SLC18A1: variants seen among roughly 807,000 people sequenced by gnomAD.
SLC18A1 encodes chromaffin granule amine transporter.
A neutral mutation model predicts 53.7 loss-of-function variants in SLC18A1; 69 were observed. The observed-to-expected ratio is 1.28, with a 90% CI of 1.06 to 1.57. The LOEUF is 1.57. SLC18A1 is among the 40% of genes most tolerant of loss of function. The pLI, the probability that SLC18A1 is intolerant of heterozygous loss-of-function variation, is 0.00. For missense variants in SLC18A1, 932 were observed against 668.1 expected (o/e 1.40, Z -4.35); for synonymous variants, 320 against 248.1 (o/e 1.29, Z -2.72).
chr8:20,181,398 G>A (rs2072425706), intron 1 of SLC18A1, among the ~76,000 whole-genome samples: 1 of 151,958 alleles, frequency 6.6e-6, no homozygotes, highest in Non-Finnish European at 1.5e-5. Context: ...CATATCTAAG[G>A]ACTACCTGTA....
chr8:20,179,246 A>G lies in SLC18A1; in HGVS notation c.363T>C (p.His121=). 1 of 1,614,190 alleles carries G rather than the reference A, an allele frequency of 6.2e-7. No homozygotes were observed. Among genetic ancestry groups the G allele is most frequent in the Non-Finnish European group, 8.5e-7 (1 of 1,180,046 alleles). The stretch of plus-strand genomic sequence containing the variant: ...CTGTGCCTTGCAAGCAGTTGTTTTT[A>G]TGAGCTGAGATGGCTTCAGTGGCTG... ...PPPATEAISA[H]KNNCLQGTGF... is the part of the protein sequence containing the mutation. The change falls in exon 3 of 16, where the codon CAT becomes CAC. Residue 121 remains histidine, a synonymous_variant. Coordinates refer to ENST00000276373, the MANE Select transcript of SLC18A1 (RefSeq NM_003053.4).
rs1030117241 is a variant in SLC18A1 at position 20,154,639 on chromosome 8, C to G, written c.1016-3895G>C. Among the ~76,000 whole-genome samples the G allele has an allele frequency of 8.5e-5, 13 of 152,242 alleles. No homozygotes were observed. The East Asian group carries it at 2.3e-3, about 27-fold the overall frequency. ...AGGGCAAGAAGATGAAAGACATGTT[C>G]AGAGAAAAGGATGAGGGCATAGGAT... On this transcript the variant is annotated intron_variant, in intron 10 of 15. Coordinates refer to ENST00000276373, the MANE Select transcript of SLC18A1 (RefSeq NM_003053.4).
intron 10 of SLC18A1, among the ~76,000 whole-genome samples, chr8:20,157,869 G>C (rs998120670): frequency 2.6e-5 from 4 of 152,172 alleles, no homozygotes; most frequent in African/African-American, 9.6e-5. Flanking sequence ...GGAGGCTCTG[G>C]AATATGGAAA....
At chr8:20,163,837 G>A (rs555936787) in intron 10 of SLC18A1, among the ~76,000 whole-genome samples, 1 of 152,296 alleles carries the variant, frequency 6.6e-6, no homozygotes, top group East Asian at 1.9e-4. Context: ...TGGTAACTGA[G>A]TAATTGGTAA....
At chr8:20,150,094 C>T (rs1362702782) in intron 11 of SLC18A1, among the ~76,000 whole-genome samples, 3 of 152,194 alleles carry the variant, frequency 2.0e-5, no homozygotes, top group East Asian at 1.9e-4. Flanking sequence ...TTTATTTGGT[C>T]CTTGAGGTCT....
At chr8:20,163,129 G>A (rs933922959) in intron 10 of SLC18A1, among the ~76,000 whole-genome samples, 3 of 152,186 alleles carry the variant, frequency 2.0e-5, no homozygotes, top group Non-Finnish European at 2.9e-5. Flanking sequence ...CACCTGGGGA[G>A]TGCCTGGTTG....
chr8:20,171,033 A>G (rs2072101438), intron 8 of SLC18A1, 70 bp downstream of exon 8: 2 of 1,453,756 alleles, frequency 1.4e-6, no homozygotes, highest in African/African-American at 1.4e-5. Flanking sequence ...ATGGTTTGGC[A>G]GGCATGCCTG....
At chr8:20,182,792 A>G (rs2270643) in intron 1 of SLC18A1, among the ~76,000 whole-genome samples, 63,924 of 151,802 alleles carry the variant, frequency 0.42, 15,205 homozygotes, top group Non-Finnish European at 0.55. Context: ...TCATTTCTCT[A>G]TATAAAGGAG....
chr8:20,166,065 A>C (rs553669310), intron 8 of SLC18A1, among the ~76,000 whole-genome samples: 6 of 152,040 alleles, frequency 3.9e-5, no homozygotes, highest in Non-Finnish European at 8.8e-5. Flanking sequence ...TAAATCATTA[A>C]AATATACATT....
In SLC18A1 at chr8:20,150,665, C is replaced by T. The variant is rs146096961; in HGVS notation, c.1094+1G>A. 9 of 1,613,600 alleles carry T rather than the reference C, an allele frequency of 5.6e-6. No homozygotes were observed. The African/African-American group carries it at 6.7e-5, about 12-fold the overall frequency. ...TCGTCCCAGATCCCGAGGCTACATA[C>T]CGACCCATCTTGTTGGCCAACACAC... On this transcript the variant is annotated splice_donor_variant, in intron 11 of 15. Coordinates refer to ENST00000276373, the MANE Select transcript of SLC18A1 (RefSeq NM_003053.4). LOFTEE classifies it high-confidence loss of function.
intron 10 of SLC18A1, among the ~76,000 whole-genome samples, chr8:20,155,613 C>T (rs1474398537): frequency 6.6e-6 from 1 of 152,176 alleles, no homozygotes; most frequent in East Asian, 1.9e-4. Context: ...TTCTTCTGAC[C>T]CATACCTCCT....
At chr8:20,167,454 T>C (rs1390120605) in intron 8 of SLC18A1, among the ~76,000 whole-genome samples, 1 of 152,002 alleles carries the variant, frequency 6.6e-6, no homozygotes, top group East Asian at 2.0e-4. Context: ...GAAGAATACA[T>C]GTATGGAATG....
Position 20,171,415 on chromosome 8 carries a change from T to G in SLC18A1, c.804A>C (p.Leu268=), listed in dbSNP as rs956707746. The change falls in exon 7 of 16, where the codon CTA becomes CTC. Residue 268 remains leucine (L), a synonymous_variant. Transcript: ENST00000276373. The stretch of plus-strand genomic sequence containing the variant: ...CTGATGGTGACTTACCTCCATCCAG[T>G]AGTGCCAGGAAGGCCAGGATGAGGA... ...APFLILAFLA[L]LDGALQLCIL... is the part of the protein sequence containing the mutation. 1.2e-6 allele frequency: 2 copies of G among 1,613,594 alleles called. No individual in the cohort carries two copies. The highest frequency in any genetic ancestry group is 1.7e-6 in the Non-Finnish European group (2 of 1,179,652).
chr8:20,149,588 CCCTCT>C (rs2071494527), intron 12 of SLC18A1, 83 bp downstream of exon 12: 18 of 940,438 alleles, frequency 1.9e-5, no homozygotes, highest in South Asian at 3.4e-5. Flanking sequence ...CTCTCTCTCT[CCCTCT>C]CTCTCTCTCT....
intron 6 of SLC18A1, among the ~76,000 whole-genome samples, chr8:20,172,204 A>AAGCTTGTTCATTTGGG (rs2072140400): frequency 6.6e-6 from 1 of 152,236 alleles, no homozygotes; most frequent in African/African-American, 2.4e-5. Flanking sequence ...AGGATCTAAC[A>AAGCTTGTTCATTTGGG]AGCTTGTTCA....
chr8:20,154,963 C>T (rs932852525), intron 10 of SLC18A1, among the ~76,000 whole-genome samples: 1 of 152,182 alleles, frequency 6.6e-6, no homozygotes, highest in Admixed American at 6.5e-5. Flanking sequence ...GGGCTAAAAG[C>T]TTGCCATTGT....
chr8:20,153,813 G>C (rs905977855), intron 10 of SLC18A1, among the ~76,000 whole-genome samples: 49 of 152,166 alleles, frequency 3.2e-4, no homozygotes, highest in African/African-American at 1.1e-3. Context: ...ATGAGAACTG[G>C]ATTGTTTGGA....
chr8:20,168,964 A>G (rs547533712), intron 8 of SLC18A1, among the ~76,000 whole-genome samples: 1 of 152,304 alleles, frequency 6.6e-6, no homozygotes, highest in South Asian at 2.1e-4. Context: ...CTAGGCAGAA[A>G]GGAAATTTAA....
intron 6 of SLC18A1, 115 bp from the exon 7 acceptor site, chr8:20,171,609 AC>A: frequency 1.3e-6 from 1 of 761,192 alleles, no homozygotes; most frequent in Non-Finnish European, 2.3e-6. Flanking sequence ...GCTAAGCTCC[AC>A]CTGAGGCTCT....
Sources: allele counts gnomAD v4.1 joint callset (sites outside exome capture counted in the v4.1 genomes callset), GRCh38; gene constraint gnomAD v4.1.1; transcripts MANE v1.5; gene names NCBI Gene and HGNC (gene_info 2026-07-23, HGNC 2026-07-21).